PTPRR: variants seen among roughly 807,000 people sequenced by gnomAD.
The protein encoded by PTPRR is protein tyrosine phosphatase receptor type R.
In PTPRR, 38 loss-of-function variants were observed where a neutral mutation model predicts 77.2. The ratio of observed to expected loss-of-function variants is 0.49; its 90% CI spans 0.38 to 0.65. The LOEUF (loss-of-function observed/expected upper bound fraction) is 0.65, where lower values mean the gene tolerates loss of function less well. PTPRR is among the 30% of genes least tolerant of loss of function. PTPRR has a pLI of 0.00. For synonymous variants in PTPRR, 299 were observed against 283.1 expected (o/e 1.06, Z -0.57); for missense variants, 744 against 799.2 (o/e 0.93, Z 0.83).
At chr12:70,765,757 A>AC (rs1279538606) in intron 2 of PTPRR, among the ~76,000 whole-genome samples, 3 of 151,830 alleles carry the variant, frequency 2.0e-5, no homozygotes, top group South Asian at 2.1e-4. Context: ...ACTGGGAGGC[A>AC]CCCCCCCAGA....
At chr12:70,719,386 G>A (rs1889155678) in intron 6 of PTPRR, among the ~76,000 whole-genome samples, 1 of 152,044 alleles carries the variant, frequency 6.6e-6, no homozygotes, top group Admixed American at 6.6e-5. Context: ...ATCCTTTCCA[G>A]AAGATCATAT....
At chr12:70,650,484 G>A (rs371726275) in intron 13 of PTPRR, among the ~76,000 whole-genome samples, 3 of 151,706 alleles carry the variant, frequency 2.0e-5, no homozygotes, top group South Asian at 4.2e-4. Flanking sequence ...GCTTTTCCCC[G>A]AACTTAGTCA....
At chr12:70,848,931 A>T (rs1218334491) in intron 2 of PTPRR, among the ~76,000 whole-genome samples, 1 of 152,162 alleles carries the variant, frequency 6.6e-6, no homozygotes, top group Non-Finnish European at 1.5e-5. Context: ...TTCACAAATA[A>T]TTTTTTAATA....
chr12:70,674,450 C>A (rs924746053), intron 10 of PTPRR, among the ~76,000 whole-genome samples: 3 of 152,166 alleles, frequency 2.0e-5, no homozygotes, highest in Non-Finnish European at 4.4e-5. Flanking sequence ...TTTGCATCAT[C>A]CCTGAATTGC....
chr12:70,724,320 C>T (rs1889360292), intron 6 of PTPRR, among the ~76,000 whole-genome samples: 1 of 152,154 alleles, frequency 6.6e-6, no homozygotes, highest in Non-Finnish European at 1.5e-5. Flanking sequence ...AGGTTCTACC[C>T]TTTAAGACTG....
chr12:70,769,166 T>G (rs1479369680), intron 2 of PTPRR, among the ~76,000 whole-genome samples: 2 of 143,922 alleles, frequency 1.4e-5, no homozygotes, highest in African/African-American at 2.7e-5. Flanking sequence ...CCAGGGCAAT[T>G]AGGCAGGAGA....
intron 2 of PTPRR, among the ~76,000 whole-genome samples, chr12:70,785,529 C>T (rs565547780): frequency 6.6e-6 from 1 of 152,234 alleles, no homozygotes; most frequent in East Asian, 1.9e-4. Flanking sequence ...TCCTTATAAG[C>T]TGTTTTTAAA....
chr12:70,645,892 C>T (rs1420130527), intron 13 of PTPRR, among the ~76,000 whole-genome samples: 1 of 151,996 alleles, frequency 6.6e-6, no homozygotes, highest in Non-Finnish European at 1.5e-5. Context: ...TCTCCAGATG[C>T]CCAGGAGAGA....
At chr12:70,802,487 A>G (rs895142668) in intron 2 of PTPRR, among the ~76,000 whole-genome samples, 7 of 152,234 alleles carry the variant, frequency 4.6e-5, no homozygotes, top group African/African-American at 1.4e-4. Flanking sequence ...ATGACAGGGC[A>G]GTGATTTTGT....
At chr12:70,868,417 C>T (rs1415884929) in intron 2 of PTPRR, among the ~76,000 whole-genome samples, 23 of 151,708 alleles carry the variant, frequency 1.5e-4, no homozygotes, top group Non-Finnish European at 2.6e-4. Context: ...ATTTATGCAG[C>T]GAAAAGACAC....
chr12:70,876,872 G>A (rs1437332170), intron 2 of PTPRR, among the ~76,000 whole-genome samples: 1 of 152,194 alleles, frequency 6.6e-6, no homozygotes, highest in Non-Finnish European at 1.5e-5. Flanking sequence ...CTAGAAGTAG[G>A]TGATAAGAGG....
At chr12:70,820,490 C>T (rs886996480) in intron 2 of PTPRR, among the ~76,000 whole-genome samples, 2 of 152,306 alleles carry the variant, frequency 1.3e-5, no homozygotes, top group Admixed American at 6.5e-5. Flanking sequence ...CCCGCCACCA[C>T]GCCTGGCTAA....
intron 5 of PTPRR, 56 bp from the exon 6 acceptor site, chr12:70,746,142 A>G: frequency 6.6e-7 from 1 of 1,513,940 alleles, no homozygotes; most frequent in Middle Eastern, 2.4e-4. Flanking sequence ...AAACAAGAGT[A>G]TGATCTCCTC....
intron 6 of PTPRR, among the ~76,000 whole-genome samples, chr12:70,727,756 T>C (rs1161352661): frequency 1.3e-5 from 2 of 152,136 alleles, no homozygotes; most frequent in Admixed American, 1.3e-4. Context: ...CGGCACAGAA[T>C]GGCCAAAACG....
chr12:70,757,948 T>C (rs1890600844), intron 4 of PTPRR, among the ~76,000 whole-genome samples: 1 of 152,204 alleles, frequency 6.6e-6, no homozygotes, highest in Non-Finnish European at 1.5e-5. Flanking sequence ...TCAATATTTT[T>C]GCAGGGCTTC....
rs541146796 is a variant in PTPRR, at chr12:70,710,631, G to A, written c.1008-9308C>T. Among the ~76,000 whole-genome samples, 6 of 152,114 alleles carry A rather than the reference G, an allele frequency of 3.9e-5. No homozygotes were observed. The South Asian group carries it at 1.2e-3, about 32-fold the overall frequency. ...GTATAACAGACAACCTACAGAATGG[G>A]GGAAAATTTTTGCCAACTCTGCATC... On this transcript the variant is annotated intron_variant, in intron 6 of 13. Transcript: ENST00000283228.
At chr12:70,810,467 A>G (rs936616983) in intron 2 of PTPRR, among the ~76,000 whole-genome samples, 2 of 152,204 alleles carry the variant, frequency 1.3e-5, no homozygotes, top group African/African-American at 2.4e-5. Flanking sequence ...AATTAGTGGC[A>G]AAAGGTCAAT....
intron 2 of PTPRR, among the ~76,000 whole-genome samples, chr12:70,812,750 G>A (rs984898093): frequency 1.3e-5 from 2 of 152,152 alleles, no homozygotes; most frequent in African/African-American, 4.8e-5. Flanking sequence ...ACACTCTTCA[G>A]AAAAATGCCC....
At position 70,904,526 on chromosome 12, in the gene PTPRR, G is replaced by A. The variant is rs534950076; in HGVS notation, c.59-11549C>T. On this transcript the variant is annotated intron_variant, in intron 1 of 13. Coordinates refer to ENST00000283228, the MANE Select transcript of PTPRR (RefSeq NM_002849.4). The stretch of plus-strand genomic sequence containing the variant: ...TATAGTTATGAAATACAGATCAGTG[G>A]TTATTTGGGTGTAGGAGTTGGAGAC... 3.3e-5 allele frequency among the ~76,000 whole-genome samples: 5 copies of A among 151,980 alleles called. No individual in the cohort carries two copies. In the South Asian group the frequency reaches 6.2e-4, roughly 19 times the overall value.
Sources: gnomAD v4.1 joint callset for allele counts (sites outside exome capture counted in the v4.1 genomes callset) on GRCh38, gnomAD v4.1.1 for gene constraint, MANE v1.5 for transcripts, NCBI Gene and HGNC (gene_info 2026-07-23, HGNC 2026-07-21) for gene names.